Variants in RIC1 observed in about 807,000 individuals in gnomAD.
RIC1 encodes guanine nucleotide exchange factor subunit RIC1.
A neutral mutation model predicts 169.0 loss-of-function variants in RIC1; 88 were observed. The observed-to-expected ratio is 0.52, with a 90% CI of 0.44 to 0.62. The LOEUF is 0.62. Ranked by LOEUF, RIC1 falls within the 20% of genes least tolerant of loss-of-function variation. The pLI is 0.00. For missense variants in RIC1, 1,877 were observed against 1,725.5 expected, an observed-to-expected ratio of 1.09 and a Z score of -1.56; for synonymous variants, 790 against 601.5, an observed-to-expected ratio of 1.31 and a Z score of -4.59.
At chr9:5,764,267 A>G (rs1485250586) in intron 19 of RIC1, among the ~76,000 whole-genome samples, 2 of 152,226 alleles carry the variant, frequency 1.3e-5, no homozygotes, top group African/African-American at 2.4e-5. Flanking sequence ...GCTTCTCACA[A>G]CAGTAGATTT....
chr9:5,713,833 G>C, intron 3 of RIC1, 63 bp from the exon 4 acceptor site: 1 of 993,748 alleles, frequency 1.0e-6, no homozygotes, highest in South Asian at 1.4e-5. Context: ...GATTGTATGT[G>C]TATTAGCCAC....
At chr9:5,660,211 T>C (rs1819367846) in intron 2 of RIC1, among the ~76,000 whole-genome samples, 1 of 152,222 alleles carries the variant, frequency 6.6e-6, no homozygotes, top group South Asian at 2.1e-4. Flanking sequence ...CTGCATAGTA[T>C]TCCATCGTGT....
chr9:5,638,191 A>G (rs766590406), intron 1 of RIC1, among the ~76,000 whole-genome samples: 2 of 152,236 alleles, frequency 1.3e-5, no homozygotes, highest in African/African-American at 4.8e-5. Flanking sequence ...TCCCTGGAAT[A>G]AATACCACTT....
intron 6 of RIC1, among the ~76,000 whole-genome samples, chr9:5,723,929 G>A (rs1823778735): frequency 6.6e-6 from 1 of 152,090 alleles, no homozygotes; most frequent in Admixed American, 6.6e-5. Flanking sequence ...TCTCTGTTTT[G>A]GTACCAGTAC....
chr9:5,693,373 C>A (rs558220519), intron 3 of RIC1, among the ~76,000 whole-genome samples: 1 of 152,120 alleles, frequency 6.6e-6, no homozygotes, highest in Non-Finnish European at 1.5e-5. Context: ...GCCTCATGAT[C>A]TTTCCTAGTT....
At chr9:5,666,309 C>G (rs1047763003) in intron 2 of RIC1, among the ~76,000 whole-genome samples, 29 of 152,068 alleles carry the variant, frequency 1.9e-4, no homozygotes, top group African/African-American at 6.3e-4. Flanking sequence ...ACTTTGCTAA[C>G]TTTATTAGCT....
intron 3 of RIC1, among the ~76,000 whole-genome samples, chr9:5,693,989 GA>G (rs1379333617): frequency 6.6e-6 from 1 of 151,296 alleles, no homozygotes; most frequent in African/African-American, 2.4e-5. Context: ...TTTCACTGAA[GA>G]AAAAAAGTCA....
intron 1 of RIC1, among the ~76,000 whole-genome samples, chr9:5,635,764 T>G (rs1425646964): frequency 2.6e-5 from 4 of 152,120 alleles, no homozygotes; most frequent in African/African-American, 7.2e-5. Flanking sequence ...TCTCACGAGA[T>G]CTGATGGTTT....
At chr9:5,764,732 T>C (rs1394150598) in intron 19 of RIC1, among the ~76,000 whole-genome samples, 1 of 152,142 alleles carries the variant, frequency 6.6e-6, no homozygotes, top group Non-Finnish European at 1.5e-5. Flanking sequence ...AAAAATAGAA[T>C]CAAAATAAAT....
At chr9:5,651,757 G>A (rs1818813528) in intron 1 of RIC1, among the ~76,000 whole-genome samples, 1 of 151,584 alleles carries the variant, frequency 6.6e-6, no homozygotes. Flanking sequence ...TATTAGAGAT[G>A]GGGTTTTGCC....
At chr9:5,747,740 C>A (rs1457101823) in intron 12 of RIC1, among the ~76,000 whole-genome samples, 1 of 152,170 alleles carries the variant, frequency 6.6e-6, no homozygotes, top group South Asian at 2.1e-4. Flanking sequence ...ATGTCAAGAA[C>A]TAGAAGTTTA....
intron 4 of RIC1, chr9:5,719,162 G>C (rs10975259): frequency 0.34 from 52,217 of 151,926 alleles, 10,540 homozygotes; most frequent in East Asian, 0.77. Context: ...CTTGATATCA[G>C]TTTCTACTGG....
At chr9:5,660,205 ATAG>A (rs1819367047) in intron 2 of RIC1, among the ~76,000 whole-genome samples, 1 of 152,198 alleles carries the variant, frequency 6.6e-6, no homozygotes, top group African/African-American at 2.4e-5. Context: ...TTGTGGCTGC[ATAG>A]TATTCCATCG....
At chr9:5,712,507 C>T (rs1319622471) in intron 3 of RIC1, among the ~76,000 whole-genome samples, 1 of 152,082 alleles carries the variant, frequency 6.6e-6, no homozygotes, top group African/African-American at 2.4e-5. Context: ...AAAAAACAAC[C>T]CCATCAAAAA....
At chr9:5,688,319 C>CT (rs1201802610) in intron 2 of RIC1, among the ~76,000 whole-genome samples, 1 of 152,216 alleles carries the variant, frequency 6.6e-6, no homozygotes, top group East Asian at 1.9e-4. Context: ...GAAATTCTCA[C>CT]AAGGCAGTAA....
intron 2 of RIC1, among the ~76,000 whole-genome samples, chr9:5,663,697 G>C (rs1043009446): frequency 1.3e-5 from 2 of 152,076 alleles, no homozygotes; most frequent in African/African-American, 4.8e-5. Context: ...TTTGGGATGT[G>C]TGTCTTTGCA....
At chr9:5,649,383 C>G (rs1014336824) in intron 1 of RIC1, among the ~76,000 whole-genome samples, 1 of 152,016 alleles carries the variant, frequency 6.6e-6, no homozygotes, top group Admixed American at 6.6e-5. Flanking sequence ...AGGCTTTGTT[C>G]ATTCTTATTT....
chr9:5,764,169 A>AC (rs1250763548), intron 19 of RIC1, among the ~76,000 whole-genome samples: 1 of 152,246 alleles, frequency 6.6e-6, no homozygotes, highest in African/African-American at 2.4e-5. Flanking sequence ...TGTAATAGGA[A>AC]CATGGAAGAA....
At chr9:5,685,463 A>G (rs1352719460) in intron 2 of RIC1, among the ~76,000 whole-genome samples, 62 of 149,610 alleles carry the variant, frequency 4.1e-4, no homozygotes, top group Non-Finnish European at 7.5e-4. Context: ...GCCCTCAGAA[A>G]TAACGCCACA....
Sources: allele counts gnomAD v4.1 joint callset (sites outside exome capture counted in the v4.1 genomes callset), GRCh38; gene constraint gnomAD v4.1.1; transcripts MANE v1.5; gene names NCBI Gene and HGNC (gene_info 2026-07-23, HGNC 2026-07-21).